Variants in ATP6V0B observed in about 807,000 individuals in gnomAD.
The protein encoded by ATP6V0B is ATPase H+ transporting V0 subunit b.
ATP6V0B carries 4 observed loss-of-function variants against 26.2 expected under a neutral mutation model. The ratio of observed to expected loss-of-function variants is 0.15; its 90% CI spans 0.08 to 0.35. The LOEUF (loss-of-function observed/expected upper bound fraction) is 0.35, where lower values mean the gene tolerates loss of function less well. Among genes scored for constraint, ATP6V0B ranks in the 10% least tolerant of loss-of-function variants. The probability of loss-of-function intolerance (pLI) is 1.00; values close to 1 mark genes in which losing one functional copy is unlikely to be tolerated. For synonymous variants in ATP6V0B, 110 were observed against 105.8 expected, an observed-to-expected ratio of 1.04 and a Z score of -0.24; for missense variants, 175 against 272.5, an observed-to-expected ratio of 0.64 and a Z score of 2.52.
At chr1:43,977,538 A>G (rs1474404017) in intron 7 of ATP6V0B, 17 of 1,427,060 alleles carry the variant, frequency 1.2e-5, no homozygotes, top group Admixed American at 3.1e-5. Flanking sequence ...TTTGTGATCT[A>G]GACTAGAATG....
rs752866602 is a variant in ATP6V0B at position 43,976,282 on chromosome 1, G to GT, written c.201-14dup. The stretch of plus-strand genomic sequence containing the variant: ...GTGACAGCTTGGGCTCTGCTCATCA[G>GT]TTTTTTATCCTTCCACCAGGGGCAT... On this transcript the variant is annotated intron_variant, in intron 3 of 7. Coordinates refer to ENST00000472174, the MANE Select transcript of ATP6V0B (RefSeq NM_004047.5). This position sits in a 1 kb window ranked among gnomAD's most constrained non-coding sequence, Gnocchi z 4.6. The GT allele has an allele frequency of 1.2e-6, 2 of 1,613,292 alleles. No homozygotes were observed. The highest frequency in any genetic ancestry group is 1.7e-5 in the Admixed American group (1 of 60,004).
chr1:43,976,710 A>G lies in ATP6V0B; in HGVS notation c.348+51A>G, dbSNP rs770676237. Reference sequence around the variant, plus strand: ...GAATCCATTCCAGTGTGTTCTACACATTCCTTAGAGATTGGATGGGGTGCA... The same window carrying G: ...GAATCCATTCCAGTGTGTTCTACACGTTCCTTAGAGATTGGATGGGGTGCA... On this transcript the variant is annotated intron_variant, in intron 5 of 7. Transcript: ENST00000472174. The surrounding 1 kb of genome is among the most constrained non-coding windows in gnomAD (Gnocchi z 4.6). The G allele has an allele frequency of 1.2e-6, 2 of 1,613,592 alleles. No homozygotes were observed. Among genetic ancestry groups the G allele is most frequent in the South Asian group, 1.1e-5 (1 of 91,040 alleles).
chr1:43,978,148 G>A lies in ATP6V0B; in HGVS notation c.*141G>A. ...CTCCCCTCTTGCTGCGTGTTGATTT[G>A]GAGGCACTGCAGTCCAGGCCGAGTC... is the stretch of plus-strand genomic sequence containing the variant. On this transcript the variant is annotated 3_prime_UTR_variant, in exon 8 of 8. Transcript: ENST00000472174. 1 of 1,271,218 alleles carries A rather than the reference G, an allele frequency of 7.9e-7. No individual in the cohort carries two copies. The highest frequency in any genetic ancestry group is 1.1e-6 in the Non-Finnish European group (1 of 881,382). 78.7% of individuals were successfully genotyped at this position (1,271,218 alleles called of 1,614,324 possible).
Position 43,976,471 on chromosome 1 carries a change from C to T in ATP6V0B, c.278+92C>T. 1.9e-6 allele frequency: 3 copies of T among 1,540,022 alleles called. No homozygotes were observed. Among genetic ancestry groups the T allele is most frequent in the Non-Finnish European group, 2.7e-6 (3 of 1,118,734 alleles). On this transcript the variant is annotated intron_variant, in intron 4 of 7. Coordinates refer to ENST00000472174, the MANE Select transcript of ATP6V0B (RefSeq NM_004047.5). This position sits in a 1 kb window ranked among gnomAD's most constrained non-coding sequence, Gnocchi z 4.6. ...TGACATACTGTTTCTGACAAGCCAC[C>T]TTGTGGGATGGGATGTTATAGGGGA...
chr1:43,976,470 C>A lies in ATP6V0B; in HGVS notation c.278+91C>A. ...CTGACATACTGTTTCTGACAAGCCACCTTGTGGGATGGGATGTTATAGGGG... is the reference window on the plus strand; with the variant it reads ...CTGACATACTGTTTCTGACAAGCCAACTTGTGGGATGGGATGTTATAGGGG... On this transcript the variant is annotated intron_variant, in intron 4 of 7. Transcript: ENST00000472174. This position sits in a 1 kb window ranked among gnomAD's most constrained non-coding sequence, Gnocchi z 4.6. 6.5e-7 allele frequency: 1 copy of A among 1,539,884 alleles called. No homozygotes were observed. Among genetic ancestry groups the A allele is most frequent in the South Asian group, 1.1e-5 (1 of 88,248 alleles).
At position 43,977,835 on chromosome 1, in the gene ATP6V0B, T is replaced by C. The variant is rs115006715; in HGVS notation, c.592-146T>C. 417 of 1,588,290 alleles carry C rather than the reference T, an allele frequency of 2.6e-4. No homozygotes were observed. In the African/African-American group the frequency reaches 4.6e-3, roughly 17 times the overall value. Reference sequence around the variant, plus strand: ...TGGTTGTCTGTCCCTGTCTGCCTTGTCTGTCACAGTGTGTCCATCCTGGTT... The same window carrying C: ...TGGTTGTCTGTCCCTGTCTGCCTTGCCTGTCACAGTGTGTCCATCCTGGTT... On this transcript the variant is annotated intron_variant, in intron 7 of 7. Transcript: ENST00000472174.
intron 1 of ATP6V0B, 47 bp from the exon 2 acceptor site, chr1:43,975,753 C>G: frequency 1.3e-6 from 2 of 1,585,180 alleles, no homozygotes; most frequent in Non-Finnish European, 1.7e-6. Context: ...AAGAACTTCT[C>G]TCTACCGAGC....
intron 1 of ATP6V0B, 123 bp downstream of exon 1, chr1:43,975,230 G>A (rs1019055869): frequency 5.7e-6 from 7 of 1,226,164 alleles, no homozygotes; most frequent in Non-Finnish European, 6.7e-6. Flanking sequence ...GAGGCTCTGG[G>A]GACTTGCGCC....
Position 43,976,829 on chromosome 1 carries a change from G to C in ATP6V0B, c.400+5G>C, listed in dbSNP as rs774120589. The C allele has an allele frequency of 6.2e-7, 1 of 1,614,060 alleles. No homozygotes were observed. The highest frequency in any genetic ancestry group is 8.5e-7 in the Non-Finnish European group (1 of 1,180,038). ...GCCATCGGAACTACCATGCAGGTGG[G>C]TGGATGGGCGTATGAATGCAAAATG... On this transcript the variant is annotated splice_donor_5th_base_variant and intron_variant, in intron 6 of 7. Coordinates refer to ENST00000472174, the MANE Select transcript of ATP6V0B (RefSeq NM_004047.5). The surrounding 1 kb of genome is among the most constrained non-coding windows in gnomAD (Gnocchi z 4.6).
Position 43,977,196 on chromosome 1 carries a change from GTCA to G in ATP6V0B, c.574_576del (p.Ile192del). On this transcript the variant is annotated inframe_deletion, in exon 7 of 8. Coordinates refer to ENST00000472174, the MANE Select transcript of ATP6V0B (RefSeq NM_004047.5). ...TGGCAGCGCCATTGGCCTCTTTGGG[GTCA>G]TCGTCGCAATTCTTCAGGTGATGAA... 6.2e-7 allele frequency: 1 copy of G among 1,614,266 alleles called. No homozygotes were observed. Among genetic ancestry groups the G allele is most frequent in the Non-Finnish European group, 8.5e-7 (1 of 1,180,052 alleles).
At position 43,977,968 on chromosome 1, in the gene ATP6V0B, T is replaced by C. The variant is rs145093221; in HGVS notation, c.592-13T>C. ...TCTGTCCCTGCCTGATTTCTCCTGT[T>C]CTTTTTTTGCAGACCTCCAGAGTGA... is the stretch of plus-strand genomic sequence containing the variant. On this transcript the variant is annotated splice_polypyrimidine_tract_variant and intron_variant, in intron 7 of 7. Transcript: ENST00000472174. The C allele has an allele frequency of 3.8e-5, 62 of 1,614,188 alleles. No individual in the cohort carries two copies. The Middle Eastern group carries it at 1.5e-3, about 39-fold the overall frequency.
chr1:43,977,753 A>C, intron 7 of ATP6V0B: 1 of 1,451,206 alleles, frequency 6.9e-7, no homozygotes, highest in Non-Finnish European at 9.0e-7. Flanking sequence ...GTTGATTCTT[A>C]GTGACTAGCT....
Position 43,977,379 on chromosome 1 carries a change from T to C in ATP6V0B, c.591+163T>C, listed in dbSNP as rs535265532. The C allele has an allele frequency of 2.0e-6, 3 of 1,525,282 alleles. No homozygotes were observed. The Admixed American group carries it at 6.2e-5, about 32-fold the overall frequency. The allele number at this position is 1,525,282 out of a possible 1,614,324, so 94.5% of individuals were successfully genotyped here. On this transcript the variant is annotated intron_variant, in intron 7 of 7. Coordinates refer to ENST00000472174, the MANE Select transcript of ATP6V0B (RefSeq NM_004047.5). ...TCTTCTGGTTTTCTCCTACAGGGGC[T>C]CTCTATTTTTGTCTCTGATTTGGTG...
intron 7 of ATP6V0B, 104 bp from the exon 8 acceptor site, chr1:43,977,877 T>C (rs972502396): frequency 6.2e-7 from 1 of 1,612,670 alleles, no homozygotes; most frequent in African/African-American, 1.3e-5. Flanking sequence ...ATATCTCTTG[T>C]GGTCTGTCCA....
chr1:43,975,989 G>C, intron 2 of ATP6V0B, 101 bp from the exon 3 acceptor site: 1 of 1,525,326 alleles, frequency 6.6e-7, no homozygotes, highest in Non-Finnish European at 9.1e-7. Context: ...GTTGTTGCCT[G>C]TAGAACTGGT....
At chr1:43,975,925 C>T in intron 2 of ATP6V0B, 77 bp downstream of exon 2, 2 of 1,525,190 alleles carry the variant, frequency 1.3e-6, no homozygotes, top group Non-Finnish European at 1.8e-6. Flanking sequence ...GTCTGAGTCC[C>T]TCCCCCACAC....
intron 7 of ATP6V0B, 50 bp downstream of exon 7, chr1:43,977,266 T>A: frequency 6.2e-7 from 1 of 1,614,162 alleles, no homozygotes; most frequent in Non-Finnish European, 8.5e-7. Context: ...CAACCTAGCC[T>A]TACCCTCCTT....
At chr1:43,975,583 C>T (rs188603228) in intron 1 of ATP6V0B, 2 of 620,618 alleles carry the variant, frequency 3.2e-6, no homozygotes, top group African/African-American at 1.8e-5. Flanking sequence ...ACCCTGCCTG[C>T]GCAGGTGCTT....
chr1:43,975,469 A>C (rs1173607535), intron 1 of ATP6V0B: 3 of 544,170 alleles, frequency 5.5e-6, no homozygotes, highest in Non-Finnish European at 9.7e-6. Flanking sequence ...GCCCTCCCCC[A>C]CCCACAGCTT....
Sources: gnomAD v4.1 joint callset for allele counts on GRCh38, gnomAD v4.1.1 for gene constraint, Gnocchi (gnomAD v3.1) non-coding constraint, MANE v1.5 for transcripts, NCBI Gene and HGNC (gene_info 2026-07-23, HGNC 2026-07-21) for gene names.